Variants in VIT observed in about 807,000 individuals in gnomAD.
The protein encoded by VIT is vitrin.
Under a neutral mutation model 78.0 loss-of-function variants are expected in VIT, and 99 were observed. The observed-to-expected ratio is 1.27, with a 90% CI of 1.08 to 1.50. The LOEUF (loss-of-function observed/expected upper bound fraction) is 1.50, where lower values mean the gene tolerates loss of function less well. Among genes scored for constraint, VIT ranks in the 40% most tolerant of loss-of-function variants. The pLI is 0.00. For missense variants in VIT, 1,126 were observed against 875.3 expected (o/e 1.29, Z -3.61); for synonymous variants, 374 against 334.3 (o/e 1.12, Z -1.29).
At chr2:36,773,298 T>G (rs1369750178) in intron 7 of VIT, among the ~76,000 whole-genome samples, 1 of 151,530 alleles carries the variant, frequency 6.6e-6, no homozygotes, top group Non-Finnish European at 1.5e-5. Flanking sequence ...TAGTTTTTAG[T>G]TGGTGTTTTA....
At chr2:36,699,626 G>GTAGGTAGGTACA (rs372689790) in intron 1 of VIT, among the ~76,000 whole-genome samples, 3 of 141,886 alleles carry the variant, frequency 2.1e-5, no homozygotes, top group African/African-American at 8.0e-5. Flanking sequence ...AGATATATAG[G>GTAGGTAGGTACA]TAGATAGATA....
chr2:36,716,944 T>C (rs1416433662), intron 2 of VIT, among the ~76,000 whole-genome samples: 1 of 143,052 alleles, frequency 7.0e-6, no homozygotes, highest in Non-Finnish European at 1.5e-5. Context: ...TGGAGTGATC[T>C]CGGCTCACTG....
At chr2:36,785,958 G>A (rs536363875) in intron 11 of VIT, among the ~76,000 whole-genome samples, 1 of 152,214 alleles carries the variant, frequency 6.6e-6, no homozygotes, top group African/African-American at 2.4e-5. Flanking sequence ...TTTAAAACCA[G>A]CAACAACCCT....
intron 12 of VIT, among the ~76,000 whole-genome samples, chr2:36,799,488 C>T (rs1666156650): frequency 6.6e-6 from 1 of 151,908 alleles, no homozygotes; most frequent in Admixed American, 6.6e-5. Flanking sequence ...CAAAACAGGA[C>T]AATAAGCTGC....
chr2:36,760,795 T>C (rs1669070599), intron 6 of VIT, among the ~76,000 whole-genome samples: 1 of 152,172 alleles, frequency 6.6e-6, no homozygotes, highest in Non-Finnish European at 1.5e-5. Context: ...GGATGCCTGG[T>C]TCCAGCAGCC....
At chr2:36,725,503 A>C (rs1389340928) in intron 2 of VIT, among the ~76,000 whole-genome samples, 1 of 145,366 alleles carries the variant, frequency 6.9e-6, no homozygotes, top group African/African-American at 2.6e-5. Flanking sequence ...TCCCATCATG[A>C]GGGCTCACTG....
At chr2:36,809,674 C>CA (rs1268766199) in intron 15 of VIT, among the ~76,000 whole-genome samples, 3 of 152,274 alleles carry the variant, frequency 2.0e-5, no homozygotes, top group African/African-American at 7.2e-5. Context: ...CTTGGCCTCC[C>CA]AAAGTGCCAG....
chr2:36,814,330 G>T lies in VIT; in HGVS notation c.2051G>T (p.Cys684Phe). The T allele has an allele frequency of 9.9e-6, 16 of 1,614,182 alleles. No homozygotes were observed. The highest frequency in any genetic ancestry group is 1.4e-5 in the Non-Finnish European group (16 of 1,180,038). ...QYVPRIIQNI[C>F]TEFNSQPRN is the part of the protein sequence containing the mutation. ...GTCCCCAGGATCATCCAGAACATTT[G>T]TACAGAGTTCAACTCACAGCCTCGG... is the stretch of plus-strand genomic sequence containing the variant. The change falls in exon 16 of 16, where the codon TGT becomes TTT. Residue 684 changes from cysteine (C) to phenylalanine (F), a missense_variant. Cys to Phe is a radical substitution (Grantham distance 205). Transcript: ENST00000379242.
intron 1 of VIT, among the ~76,000 whole-genome samples, chr2:36,703,176 T>C (rs78960728): frequency 0.039 from 6,014 of 152,308 alleles, 180 homozygotes; most frequent in African/African-American, 0.082. Context: ...AAGGAGCTGA[T>C]TGAGAACCAA....
chr2:36,725,800 A>G (rs781255239), intron 2 of VIT, among the ~76,000 whole-genome samples: 2 of 152,186 alleles, frequency 1.3e-5, no homozygotes, highest in Non-Finnish European at 1.5e-5. Flanking sequence ...CGCCGGGCAC[A>G]GTGGCTCACG....
chr2:36,743,645 TGA>T (rs1447317773), intron 4 of VIT, among the ~76,000 whole-genome samples: 1 of 152,216 alleles, frequency 6.6e-6, no homozygotes, highest in African/African-American at 2.4e-5. Flanking sequence ...TTATCCCGAT[TGA>T]GAGTCATAGA....
chr2:36,795,669 C>T (rs1056548169), intron 12 of VIT, among the ~76,000 whole-genome samples: 1 of 152,122 alleles, frequency 6.6e-6, no homozygotes, highest in Non-Finnish European at 1.5e-5. Flanking sequence ...CCTGCCTCGG[C>T]CTCCTAAAGT....
At chr2:36,778,288 C>T (rs1278590548) in intron 9 of VIT, among the ~76,000 whole-genome samples, 1 of 152,230 alleles carries the variant, frequency 6.6e-6, no homozygotes, top group Non-Finnish European at 1.5e-5. Context: ...CTGCCTCCTA[C>T]ACACTGCGTC....
chr2:36,757,409 G>T (rs1046357084), intron 5 of VIT, among the ~76,000 whole-genome samples: 1 of 152,056 alleles, frequency 6.6e-6, no homozygotes, highest in Non-Finnish European at 1.5e-5. Context: ...TTTATCCTTT[G>T]ATCCACATTT....
intron 6 of VIT, 80 bp from the exon 7 acceptor site, chr2:36,767,014 T>A (rs970600744): frequency 5.2e-5 from 73 of 1,399,744 alleles, no homozygotes; most frequent in Admixed American, 1.2e-4. Flanking sequence ...TAGTGTTCAA[T>A]CAACATTTAT....
intron 9 of VIT, 93 bp from the exon 10 acceptor site, chr2:36,781,634 T>G (rs750073197): frequency 2.1e-6 from 3 of 1,434,854 alleles, no homozygotes; most frequent in Non-Finnish European, 2.9e-6. Context: ...TCAGACACAA[T>G]TGGGAAACCT....
intron 7 of VIT, among the ~76,000 whole-genome samples, chr2:36,767,534 C>G (rs1669508379): frequency 6.6e-6 from 1 of 152,180 alleles, no homozygotes; most frequent in Non-Finnish European, 1.5e-5. Context: ...TCTCCAAAAG[C>G]TCAGTTGAAG....
intron 1 of VIT, among the ~76,000 whole-genome samples, chr2:36,711,444 G>T (rs1283982726): frequency 1.3e-5 from 2 of 152,162 alleles, no homozygotes; most frequent in Admixed American, 6.5e-5. Context: ...GGGGTAGAAA[G>T]AAGGGTGCAG....
intron 9 of VIT, among the ~76,000 whole-genome samples, chr2:36,775,643 C>A (rs1163613744): frequency 6.6e-6 from 1 of 152,200 alleles, no homozygotes. Flanking sequence ...TAATGCCACT[C>A]TGTCTCGACC....
Sources: gnomAD v4.1 joint callset for allele counts (sites outside exome capture counted in the v4.1 genomes callset) on GRCh38, gnomAD v4.1.1 for gene constraint, MANE v1.5 for transcripts, NCBI Gene and HGNC (gene_info 2026-07-23, HGNC 2026-07-21) for gene names.